Variants in TIA1 observed in about 807,000 individuals in gnomAD.
The protein encoded by TIA1 is TIA1 cytotoxic granule associated RNA binding protein.
Under a neutral mutation model 65.9 loss-of-function variants are expected in TIA1, and 23 were observed. That is an observed-to-expected ratio of 0.35 (90% CI 0.25 to 0.49). The LOEUF (loss-of-function observed/expected upper bound fraction) is 0.49. Ranked by LOEUF, TIA1 falls within the 20% of genes least tolerant of loss-of-function variation. The probability of loss-of-function intolerance (pLI) is 0.98; values close to 1 mark genes in which losing one functional copy is unlikely to be tolerated. For synonymous variants in TIA1, 147 were observed against 149.4 expected (o/e 0.98, Z 0.12); for missense variants, 371 against 477.9 (o/e 0.78, Z 2.09).
At chr2:70,220,408 C>G (rs965315963) in intron 7 of TIA1, among the ~76,000 whole-genome samples, 1 of 149,056 alleles carries the variant, frequency 6.7e-6, no homozygotes, top group Non-Finnish European at 1.5e-5. Flanking sequence ...GGTCCTGTCT[C>G]GAAAAAAAAA....
At position 70,215,351 on chromosome 2, in the gene TIA1, A is replaced by C; in HGVS notation, c.888+20T>G. On this transcript the variant is annotated intron_variant, in intron 11 of 12. Coordinates refer to ENST00000433529, the MANE Select transcript of TIA1 (RefSeq NM_022173.4). ...ATTATTAGCCCAACAATTACTTCTC[A>C]AAGTTAAGAACCCTCTCACCTGTTG... 1 of 1,612,262 alleles carries C rather than the reference A, an allele frequency of 6.2e-7. No individual in the cohort carries two copies.
At chr2:70,218,290 T>C (rs1679573191) in intron 7 of TIA1, among the ~76,000 whole-genome samples, 2 of 152,172 alleles carry the variant, frequency 1.3e-5, no homozygotes, top group Admixed American at 1.3e-4. Context: ...TTGCAAAGTG[T>C]GTTAAGGCAC....
Position 70,211,973 on chromosome 2 carries a change from G to C in TIA1, c.*746C>G, listed in dbSNP as rs1676592365. On this transcript the variant is annotated 3_prime_UTR_variant, in exon 13 of 13. Coordinates refer to ENST00000433529, the MANE Select transcript of TIA1 (RefSeq NM_022173.4). ...GTACACAGCAAAGTTTATCACGAAA[G>C]ATAAAAATCCTTTTAAACAAATCCA... 1 of 152,414 alleles carries C rather than the reference G, an allele frequency of 6.6e-6. No individual in the cohort carries two copies. The highest frequency in any genetic ancestry group is 6.6e-5 in the Admixed American group (1 of 15,252). The allele number at this position is 152,414 out of a possible 1,614,324, so 9.4% of individuals were successfully genotyped here.
chr2:70,246,839 T>A (rs1221758651), intron 1 of TIA1, among the ~76,000 whole-genome samples: 1 of 152,070 alleles, frequency 6.6e-6, no homozygotes, highest in Non-Finnish European at 1.5e-5. Flanking sequence ...TGAGCCGAAA[T>A]CGCATCACTG....
intron 2 of TIA1, among the ~76,000 whole-genome samples, chr2:70,231,876 C>T (rs1050543722): frequency 7.2e-5 from 11 of 152,296 alleles, no homozygotes; most frequent in Non-Finnish European, 1.5e-4. Context: ...AACTTTCTGA[C>T]ATCAATTTTT....
intron 12 of TIA1, among the ~76,000 whole-genome samples, chr2:70,213,943 C>T (rs1375851583): frequency 1.3e-5 from 2 of 152,200 alleles, no homozygotes; most frequent in South Asian, 2.1e-4. Context: ...GGAACTACCA[C>T]GCCCAGCCCA....
intron 1 of TIA1, among the ~76,000 whole-genome samples, chr2:70,248,131 G>C (rs894423718): frequency 6.6e-6 from 1 of 152,166 alleles, no homozygotes; most frequent in East Asian, 1.9e-4. Flanking sequence ...TTTTCTCCAG[G>C]TCTAAGACCA....
At chr2:70,228,840 G>T in intron 5 of TIA1, 1 of 1,420,860 alleles carries the variant, frequency 7.0e-7, no homozygotes. Flanking sequence ...TAAGGCATCA[G>T]CTGCTACCAA....
At chr2:70,213,140 C>A (rs1458007054) in intron 12 of TIA1, among the ~76,000 whole-genome samples, 2 of 152,166 alleles carry the variant, frequency 1.3e-5, no homozygotes, top group Non-Finnish European at 1.5e-5. Context: ...AAAAACCTAA[C>A]CCCATTCTTG....
At chr2:70,230,667 A>AG (rs200532251) in intron 3 of TIA1, 89 bp downstream of exon 3, 1 of 1,036,788 alleles carries the variant, frequency 9.6e-7, no homozygotes, top group African/African-American at 1.7e-5. Context: ...AAAAAAAAAA[A>AG]GTGTTTAATG....
rs553188855 is a variant in TIA1, at chr2:70,240,580, A to C, written c.27-4405T>G. Among the ~76,000 whole-genome samples the C allele has an allele frequency of 1.8e-3, 274 of 152,290 alleles. 6 individuals carry two copies. Among genetic ancestry groups the C allele is most frequent in the Admixed American group, 0.017 (259 of 15,292 alleles). On this transcript the variant is annotated intron_variant, in intron 1 of 12. Coordinates refer to ENST00000433529, the MANE Select transcript of TIA1 (RefSeq NM_022173.4). ...TTCTAAGATATAAATAAATAAAAGA[A>C]ACAGAAAGCTGGGCACAGTGGCTCA...
At chr2:70,213,295 A>G (rs573605903) in intron 12 of TIA1, among the ~76,000 whole-genome samples, 26 of 152,090 alleles carry the variant, frequency 1.7e-4, no homozygotes, top group Middle Eastern at 6.8e-3. Flanking sequence ...AATTATTAGC[A>G]TATGAAAGCT....
chr2:70,219,130 C>T (rs1332962288), intron 7 of TIA1, among the ~76,000 whole-genome samples: 1 of 152,150 alleles, frequency 6.6e-6, no homozygotes, highest in Non-Finnish European at 1.5e-5. Flanking sequence ...GAGAAGTAGA[C>T]TGAAGATACA....
rs1573487539 is a variant in TIA1, at chr2:70,228,522, G to A, written c.310+537C>T. 3 of 1,150,334 alleles carry A rather than the reference G, an allele frequency of 2.6e-6. No individual in the cohort carries two copies. The East Asian group carries it at 2.3e-4, about 90-fold the overall frequency. The allele number at this position is 1,150,334 out of a possible 1,614,324, so 71.3% of individuals were successfully genotyped here. A position where few individuals can be genotyped will look rare whatever the true frequency, so the allele number is the denominator to read the frequency against. On this transcript the variant is annotated intron_variant, in intron 5 of 12. Transcript: ENST00000433529. ...ACTTTATATCAGAACCATTAAAAAA[G>A]CATTGGAGAGAAATAACCAACCCAT...
At chr2:70,217,024 G>T (rs368426959) in intron 7 of TIA1, 30 bp from the exon 8 acceptor site, 2 of 1,584,622 alleles carry the variant, frequency 1.3e-6, no homozygotes, top group African/African-American at 1.4e-5. Context: ...AAACAATAAA[G>T]AAGTCACTAT....
chr2:70,236,400 T>A (rs987200603), intron 1 of TIA1, among the ~76,000 whole-genome samples: 1 of 152,038 alleles, frequency 6.6e-6, no homozygotes, highest in Non-Finnish European at 1.5e-5. Context: ...GGTTTCTCCA[T>A]GTTGGTCAGG....
intron 1 of TIA1, among the ~76,000 whole-genome samples, chr2:70,239,793 C>A (rs1050806500): frequency 1.3e-5 from 2 of 152,186 alleles, no homozygotes; most frequent in East Asian, 1.9e-4. Context: ...ATTTACCCAA[C>A]AGCAATTTAC....
intron 12 of TIA1, 31 bp downstream of exon 12, chr2:70,214,318 G>C: frequency 6.3e-7 from 1 of 1,585,466 alleles, no homozygotes; most frequent in Middle Eastern, 1.8e-4. Flanking sequence ...ATTTTCAAAG[G>C]TTAGTAAAGG....
In TIA1 at chr2:70,210,313, T is replaced by G. The variant is rs1676167324; in HGVS notation, c.*2406A>C. 1 of 152,210 alleles carries G rather than the reference T, an allele frequency of 6.6e-6. No individual in the cohort carries two copies. The highest frequency in any genetic ancestry group is 2.4e-5 in the African/African-American group (1 of 41,460). 9.4% of individuals were successfully genotyped at this position (152,210 alleles called of 1,614,324 possible). A position where few individuals can be genotyped will look rare whatever the true frequency, so the allele number is the denominator to read the frequency against. ...TCAGGTTCTTTACAGTACCAGAAAG[T>G]AAAATCTAAATTTTGCATATTGCAG... On this transcript the variant is annotated 3_prime_UTR_variant, in exon 13 of 13. Coordinates refer to ENST00000433529, the MANE Select transcript of TIA1 (RefSeq NM_022173.4).
Sources: allele counts gnomAD v4.1 joint callset (sites outside exome capture counted in the v4.1 genomes callset), GRCh38; gene constraint gnomAD v4.1.1; transcripts MANE v1.5; gene names NCBI Gene and HGNC (gene_info 2026-07-23, HGNC 2026-07-21).